The following PSIP1 variants were observed in gnomAD, a reference collection of about 807,000 sequenced individuals.
PSIP1 encodes PC4 and SFRS1-interacting protein.
A neutral mutation model predicts 74.7 loss-of-function variants in PSIP1; 19 were observed. That is an observed-to-expected ratio of 0.25 (90% confidence interval 0.18 to 0.37). The LOEUF (loss-of-function observed/expected upper bound fraction) is 0.37. Ranked by LOEUF, PSIP1 falls within the 10% of genes least tolerant of loss-of-function variation. The probability of loss-of-function intolerance (pLI) is 1.00; values close to 1 mark genes in which losing one functional copy is unlikely to be tolerated. For synonymous variants in PSIP1, 222 were observed against 195.3 expected, an observed-to-expected ratio of 1.14 and a Z score of -1.14; for missense variants, 601 against 614.3, an observed-to-expected ratio of 0.98 and a Z score of 0.23.
intron 7 of PSIP1, among the ~76,000 whole-genome samples, 180 bp from the exon 8 acceptor site, chr9:15,478,732 C>A (rs541904615): frequency 1.8e-4 from 27 of 152,044 alleles, no homozygotes; most frequent in African/African-American, 6.5e-4. Context: ...TGAGCAACAA[C>A]AAAAAATTTA....
At chr9:15,505,026 C>G (rs1220680741) in intron 3 of PSIP1, 2 of 147,430 alleles carry the variant, frequency 1.4e-5, no homozygotes, top group African/African-American at 2.6e-5. Flanking sequence ...GCAACCTTTG[C>G]CTCCCCGGCT....
rs76114822 is a variant in PSIP1 at position 15,477,589 on chromosome 9, T to C, written c.629+888A>G. On this transcript the variant is annotated intron_variant, in intron 8 of 15. Transcript: ENST00000380733. ...AAGCCTTTCAAATCTTCAAACACAATAGCCACAAAAAGTTTTTCTCCCCCT... is the reference window on the plus strand; with the variant it reads ...AAGCCTTTCAAATCTTCAAACACAACAGCCACAAAAAGTTTTTCTCCCCCT... Among the ~76,000 whole-genome samples, 204 of 152,080 alleles carry C rather than the reference T, an allele frequency of 1.3e-3. 4 individuals are homozygous for C. In the East Asian group the frequency reaches 0.037, roughly 28 times the overall value.
chr9:15,504,009 T>C (rs1417776983), intron 3 of PSIP1, among the ~76,000 whole-genome samples: 1 of 152,216 alleles, frequency 6.6e-6, no homozygotes, highest in African/African-American at 2.4e-5. Context: ...CCTCCCAAAG[T>C]GCTGGGATTA....
At chr9:15,473,932 A>C (rs1029428289) in intron 9 of PSIP1, 77 bp downstream of exon 9, 2 of 970,184 alleles carry the variant, frequency 2.1e-6, no homozygotes, top group East Asian at 5.9e-5. Context: ...AAAAACAAAA[A>C]AAAAACAAAG....
At chr9:15,490,183 G>A (rs2036758246) in intron 3 of PSIP1, 59 bp from the exon 4 acceptor site, 4 of 1,418,128 alleles carry the variant, frequency 2.8e-6, no homozygotes, top group Middle Eastern at 1.9e-4. Context: ...TAATTTATTA[G>A]ATAAGACACC....
intron 10 of PSIP1, chr9:15,470,724 A>G (rs543615582): frequency 1.0e-6 from 1 of 955,090 alleles, no homozygotes; most frequent in Non-Finnish European, 1.3e-6. Flanking sequence ...TCAGGATTAA[A>G]AAAACATTTA....
At chr9:15,504,736 CAA>C (rs576748638) in intron 3 of PSIP1, among the ~76,000 whole-genome samples, 15 of 102,182 alleles carry the variant, frequency 1.5e-4, no homozygotes, top group African/African-American at 1.1e-4. Flanking sequence ...GACTCGGTCT[CAA>C]AAAAAAAAAA....
Position 15,465,519 on chromosome 9 carries a change from CCTAGTT to C in PSIP1, c.1588_1593del (p.Asn530_Ter531delextTer5). ...GTTCTCTATATTCCAGGTATGTCAACCTAGTTATCTAGTGTAGAATCCTTCAGAGAT... is the reference window on the plus strand; with the variant it reads ...GTTCTCTATATTCCAGGTATGTCAACATCTAGTGTAGAATCCTTCAGAGAT... On this transcript the variant is annotated stop_lost and inframe_deletion, in exon 16 of 16. Transcript: ENST00000380733. 1 of 1,553,058 alleles carries C rather than the reference CCTAGTT, an allele frequency of 6.4e-7. No homozygotes were observed. Among genetic ancestry groups the C allele is most frequent in the Non-Finnish European group, 8.8e-7 (1 of 1,133,038 alleles).
At chr9:15,472,785 T>C (rs2132051819) in intron 9 of PSIP1, 35 bp from the exon 10 acceptor site, 1 of 1,559,070 alleles carries the variant, frequency 6.4e-7, no homozygotes, top group Non-Finnish European at 8.7e-7. Context: ...TATTTAACTA[T>C]AAAGTCAGTG....
At chr9:15,487,399 A>C (rs1434134696) in intron 4 of PSIP1, among the ~76,000 whole-genome samples, 1 of 151,948 alleles carries the variant, frequency 6.6e-6, no homozygotes, top group Non-Finnish European at 1.5e-5. Context: ...GTTCAAGACC[A>C]GCCTGGCTAA....
intron 14 of PSIP1, among the ~76,000 whole-genome samples, chr9:15,468,028 G>A (rs1323499947): frequency 6.7e-6 from 1 of 150,374 alleles, no homozygotes; most frequent in African/African-American, 2.5e-5. Flanking sequence ...GTTGAGGCAG[G>A]AGAATCGCTT....
At chr9:15,485,831 A>G (rs545562354) in intron 6 of PSIP1, 175 bp downstream of exon 6, 33 of 532,582 alleles carry the variant, frequency 6.2e-5, no homozygotes, top group African/African-American at 5.2e-4. Context: ...TAAGGGTGCT[A>G]TATCACTAAG....
chr9:15,470,643 T>C (rs775882604), intron 10 of PSIP1: 1 of 945,656 alleles, frequency 1.1e-6, no homozygotes, highest in Non-Finnish European at 1.3e-6. Flanking sequence ...AGGTTTTTTT[T>C]TTAAAAAAAA....
intron 1 of PSIP1, among the ~76,000 whole-genome samples, 182 bp from the exon 2 acceptor site, chr9:15,510,511 G>A (rs984195057): frequency 2.6e-5 from 4 of 152,052 alleles, no homozygotes; most frequent in Non-Finnish European, 5.9e-5. Flanking sequence ...CCGAAGAGAC[G>A]CCACCACCTG....
intron 14 of PSIP1, among the ~76,000 whole-genome samples, chr9:15,468,202 C>G (rs2035711716): frequency 6.6e-6 from 1 of 151,636 alleles, no homozygotes; most frequent in Admixed American, 6.6e-5. Context: ...ATCAGAATAC[C>G]TGTATCAAGT....
chr9:15,500,867 A>G (rs62571011), intron 3 of PSIP1, among the ~76,000 whole-genome samples: 6,385 of 152,304 alleles, frequency 0.042, 155 homozygotes, highest in South Asian at 0.069. Flanking sequence ...GAATTAGCAA[A>G]GGTAATTAGT....
intron 10 of PSIP1, chr9:15,471,392 G>A: frequency 1.3e-6 from 2 of 1,518,398 alleles, no homozygotes; most frequent in South Asian, 2.4e-5. Context: ...TACATTGGAG[G>A]ACATTCAAAA....
At position 15,468,819 on chromosome 9, in the gene PSIP1, CCTGA is replaced by C. The variant is rs1563864965; in HGVS notation, c.1227_1230del (p.Ser409ArgfsTer2). ...AACATTGTAGACTTTTCCATGATTA[CCTGA>C]CTAACTTTGAATCGCCGTATCTGAG... On this transcript the variant is annotated frameshift_variant, in exon 14 of 16. Coordinates refer to ENST00000380733, the MANE Select transcript of PSIP1 (RefSeq NM_033222.5). LOFTEE classifies it high-confidence loss of function. 4.3e-6 allele frequency: 7 copies of C among 1,613,626 alleles called. No individual in the cohort carries two copies. Among genetic ancestry groups the C allele is most frequent in the Non-Finnish European group, 5.9e-6 (7 of 1,179,786 alleles).
intron 4 of PSIP1, 125 bp downstream of exon 4, chr9:15,489,861 A>T: frequency 1.3e-6 from 1 of 776,394 alleles, no homozygotes. Context: ...CAACCTCACA[A>T]ATAAGAACAC....
Sources: gnomAD v4.1 joint callset for allele counts (sites outside exome capture counted in the v4.1 genomes callset) on GRCh38, gnomAD v4.1.1 for gene constraint, MANE v1.5 for transcripts, NCBI Gene and HGNC (gene_info 2026-07-23, HGNC 2026-07-21) for gene names.